The following CDH13 variants were observed in gnomAD, a reference collection of about 807,000 sequenced individuals.
The protein encoded by CDH13 is cadherin 13, also known as cadherin-13.
A neutral mutation model predicts 63.8 loss-of-function variants in CDH13; 24 were observed. That is an observed-to-expected ratio of 0.38 (90% CI 0.27 to 0.53). The LOEUF (loss-of-function observed/expected upper bound fraction) is 0.53, where lower values mean the gene tolerates loss of function less well. Ranked by LOEUF, CDH13 falls within the 20% of genes least tolerant of loss-of-function variation. The pLI is 0.85. For missense variants in CDH13, 1,049 were observed against 903.1 expected (o/e 1.16, Z -2.07); for synonymous variants, 503 against 355.3 (o/e 1.42, Z -4.67).
At chr16:83,391,965 G>A (rs139563921) in intron 6 of CDH13, among the ~76,000 whole-genome samples, 8 of 152,228 alleles carry the variant, frequency 5.3e-5, no homozygotes, top group African/African-American at 1.7e-4. Context: ...AGGGTCATTC[G>A]AAATGTATGT....
intron 7 of CDH13, among the ~76,000 whole-genome samples, chr16:83,540,371 T>C (rs2075277090): frequency 6.6e-6 from 1 of 152,158 alleles, no homozygotes; most frequent in African/African-American, 2.4e-5. Context: ...CAGTGTTTCT[T>C]GTGATTAGGT....
chr16:82,905,693 T>C (rs898146814), intron 2 of CDH13, among the ~76,000 whole-genome samples: 6 of 152,358 alleles, frequency 3.9e-5, no homozygotes, highest in African/African-American at 1.4e-4. Flanking sequence ...TTTAATAATG[T>C]ACTTTAACCC....
chr16:82,890,677 AC>A (rs1555536107), intron 2 of CDH13, among the ~76,000 whole-genome samples: 3 of 148,340 alleles, frequency 2.0e-5, no homozygotes. Flanking sequence ...TCCAAGACTA[AC>A]TTTTGCTCTG....
intron 4 of CDH13, among the ~76,000 whole-genome samples, chr16:83,153,035 C>A (rs2037056352): frequency 6.6e-6 from 1 of 152,208 alleles, no homozygotes; most frequent in South Asian, 2.1e-4. Flanking sequence ...TACCTGCTGC[C>A]TACCCAGAGC....
intron 6 of CDH13, among the ~76,000 whole-genome samples, chr16:83,375,573 A>G (rs1046773799): frequency 1.3e-5 from 2 of 152,178 alleles, no homozygotes; most frequent in African/African-American, 2.4e-5. Context: ...ACAGGCTTGT[A>G]TGTTGTATAT....
rs3924167 is a variant in CDH13 at position 83,213,946 on chromosome 16, C to T, written c.484-3399C>T. Among the ~76,000 whole-genome samples the T allele has an allele frequency of 4.9e-3, 742 of 152,054 alleles. 3 individuals are homozygous for T. Among genetic ancestry groups the T allele is most frequent in the Non-Finnish European group, 7.0e-3 (478 of 68,000 alleles). On this transcript the variant is annotated intron_variant, in intron 4 of 13. Transcript: ENST00000567109. ...ACGCACCAATCTGCACTCTGTGGCT[C>T]GCTAGAGGTTTGTAAAATGGACCAA...
At chr16:83,608,361 C>G (rs1394296380) in intron 8 of CDH13, among the ~76,000 whole-genome samples, 1 of 152,188 alleles carries the variant, frequency 6.6e-6, no homozygotes, top group East Asian at 1.9e-4. Flanking sequence ...GAGCCATAGG[C>G]AGAAATTCAC....
intron 6 of CDH13, among the ~76,000 whole-genome samples, chr16:83,388,251 A>T (rs972456330): frequency 4.6e-5 from 7 of 151,150 alleles, no homozygotes; most frequent in Non-Finnish European, 8.8e-5. Flanking sequence ...GTTGGAGACC[A>T]GCCTGGGCAA....
chr16:83,715,089 G>A (rs139805084), intron 10 of CDH13, among the ~76,000 whole-genome samples: 205 of 152,172 alleles, frequency 1.3e-3, no homozygotes, highest in African/African-American at 4.8e-3. Flanking sequence ...TTCTTCATTC[G>A]TTCATGCATG....
At chr16:83,045,143 A>C (rs1338555742) in intron 3 of CDH13, among the ~76,000 whole-genome samples, 1 of 152,214 alleles carries the variant, frequency 6.6e-6, no homozygotes, top group Admixed American at 6.5e-5. Context: ...ATTAAATGAC[A>C]TAGAGTAATC....
rs1597188009 is a variant in CDH13 at position 82,639,597 on chromosome 16, CA to C, written c.45+12462del. 3 of 647,634 alleles carry C rather than the reference CA, an allele frequency of 4.6e-6. No homozygotes were observed. The East Asian group carries it at 8.3e-5, about 18-fold the overall frequency. 40.1% of individuals were successfully genotyped at this position (647,634 alleles called of 1,614,324 possible). On this transcript the variant is annotated intron_variant, in intron 1 of 13. Coordinates refer to ENST00000567109, the MANE Select transcript of CDH13 (RefSeq NM_001257.5). ...ATTCTTTCCCCAAACAAAAAGAAAA[CA>C]AGAAATATACAGTCTGTAGCTATAT...
intron 1 of CDH13, among the ~76,000 whole-genome samples, chr16:82,702,975 G>T (rs2031173761): frequency 6.6e-6 from 1 of 152,106 alleles, no homozygotes; most frequent in Non-Finnish European, 1.5e-5. Context: ...TGGTGAGGGT[G>T]TATCCTCTCC....
chr16:82,764,857 C>T (rs2034993222), intron 1 of CDH13, among the ~76,000 whole-genome samples: 1 of 150,314 alleles, frequency 6.7e-6, no homozygotes, highest in South Asian at 2.1e-4. Flanking sequence ...TCTTGTCATC[C>T]AGTCTGGAGT....
chr16:83,677,605 C>A (rs1437371371), intron 9 of CDH13, among the ~76,000 whole-genome samples: 1 of 152,170 alleles, frequency 6.6e-6, no homozygotes, highest in Non-Finnish European at 1.5e-5. Context: ...TGCACCCAGG[C>A]TATACTTGAA....
At chr16:83,425,195 A>G (rs184367510) in intron 6 of CDH13, among the ~76,000 whole-genome samples, 17 of 152,312 alleles carry the variant, frequency 1.1e-4, no homozygotes, top group East Asian at 7.7e-4. Context: ...GCTGGAACGT[A>G]AATTGGAAGG....
intron 7 of CDH13, among the ~76,000 whole-genome samples, chr16:83,568,567 A>G (rs1481003548): frequency 3.3e-5 from 5 of 152,208 alleles, no homozygotes; most frequent in African/African-American, 2.4e-5. Context: ...AGTTAACCCA[A>G]CGGAGTAAAT....
chr16:83,651,825 C>A (rs1244310372), intron 8 of CDH13, among the ~76,000 whole-genome samples: 10 of 152,094 alleles, frequency 6.6e-5, no homozygotes, highest in Non-Finnish European at 1.3e-4. Flanking sequence ...AGACTCCTGA[C>A]CTCAGGTGAT....
intron 5 of CDH13, among the ~76,000 whole-genome samples, chr16:83,330,918 C>T (rs1440476760): frequency 6.6e-6 from 1 of 152,148 alleles, no homozygotes; most frequent in Non-Finnish European, 1.5e-5. Context: ...GAACATAATG[C>T]GATGGGATGT....
intron 12 of CDH13, among the ~76,000 whole-genome samples, chr16:83,781,688 T>G (rs1404350488): frequency 6.6e-6 from 1 of 152,162 alleles, no homozygotes. Context: ...TTTTATTTGC[T>G]AGTTTTTATG....
Sources: gnomAD v4.1 joint callset for allele counts (sites outside exome capture counted in the v4.1 genomes callset) on GRCh38, gnomAD v4.1.1 for gene constraint, MANE v1.5 for transcripts, NCBI Gene and HGNC (gene_info 2026-07-23, HGNC 2026-07-21) for gene names.